Variants in HAVCR1 observed in about 807,000 individuals in gnomAD.
HAVCR1 encodes the protein hepatitis A virus cellular receptor 1.
In HAVCR1, 34 loss-of-function variants were observed where a neutral mutation model predicts 32.0. The observed-to-expected ratio is 1.06, with a 90% CI of 0.81 to 1.42. HAVCR1 has a LOEUF of 1.42. Among genes scored for constraint, HAVCR1 ranks in the 40% most tolerant of loss-of-function variants. HAVCR1 has a pLI of 0.00. For synonymous variants in HAVCR1, 178 were observed against 170.3 expected (o/e 1.05, Z -0.35); for missense variants, 420 against 442.3 (o/e 0.95, Z 0.45).
At chr5:157,056,581 C>T (rs1205904479) in intron 2 of HAVCR1, among the ~76,000 whole-genome samples, 2 of 151,354 alleles carry the variant, frequency 1.3e-5, no homozygotes, top group East Asian at 2.0e-4. Flanking sequence ...GGGGTTTCAC[C>T]ATGTTAGCCA....
At chr5:157,058,127 T>C (rs1438717533) in intron 1 of HAVCR1, 172 bp from the exon 2 acceptor site, 1 of 587,480 alleles carries the variant, frequency 1.7e-6, no homozygotes, top group Non-Finnish European at 3.1e-6. Context: ...GCTCTGTTAG[T>C]TCCCTGCAGC....
intron 5 of HAVCR1, among the ~76,000 whole-genome samples, chr5:157,044,607 GAAAGAAAGAGAA>G (rs1175198109): frequency 1.4e-3 from 100 of 70,250 alleles, no homozygotes; most frequent in African/African-American, 5.0e-3. Context: ...AAGAAAGAAA[GAAAGAAAGAGAA>G]AGAAAGAAAG....
At position 157,055,442 on chromosome 5, in the gene HAVCR1, G is replaced by C. The variant is rs778524415; in HGVS notation, c.138C>G (p.Cys46Trp). The change falls in exon 3 of 9, where the codon TGC becomes TGG. Residue 46 changes from cysteine to tryptophan, a missense_variant. Transcript: ENST00000523175. ...ATAGAGAACATGAGCCTCTATTCCA[G>C]CACATGGATGTGACAGCTCCACTGT... ...CHYSGAVTSM[C>W]WNRGSCSLFT... The C allele has an allele frequency of 7.6e-5, 122 of 1,610,350 alleles. No individual in the cohort carries two copies. Among genetic ancestry groups the C allele is most frequent in the Non-Finnish European group, 9.9e-5 (117 of 1,176,682 alleles).
At position 157,055,196 on chromosome 5, in the gene HAVCR1, C is replaced by T. The variant is rs1233259503; in HGVS notation, c.379+5G>A. 2.8e-6 allele frequency: 4 copies of T among 1,437,578 alleles called. No individual in the cohort carries two copies. The highest frequency in any genetic ancestry group is 1.8e-4 in the Middle Eastern group (1 of 5,454). 89.1% of individuals were successfully genotyped at this position (1,437,578 alleles called of 1,614,324 possible). A position where few individuals can be genotyped will look rare whatever the true frequency, so the allele number is the denominator to read the frequency against. On this transcript the variant is annotated splice_donor_5th_base_variant and intron_variant, in intron 3 of 8. Coordinates refer to ENST00000523175, the MANE Select transcript of HAVCR1 (RefSeq NM_001173393.3). ...ACTAGCAAGAAATATCAAAGAAAAA[C>T]TTACGTGGCACAATCTCCAATGATA... is the stretch of plus-strand genomic sequence containing the variant.
chr5:157,044,898 C>A (rs972803195), intron 5 of HAVCR1, among the ~76,000 whole-genome samples: 1 of 152,050 alleles, frequency 6.6e-6, no homozygotes, highest in East Asian at 1.9e-4. Context: ...AACTTTGATA[C>A]TCAAGGTCCT....
intron 5 of HAVCR1, among the ~76,000 whole-genome samples, chr5:157,047,594 C>T (rs545141681): frequency 9.2e-5 from 14 of 152,136 alleles, no homozygotes; most frequent in Admixed American, 4.6e-4. Context: ...TTGAGAGCTT[C>T]CAGATAGTCA....
Position 157,029,525 on chromosome 5 carries a change from A to G in HAVCR1, c.*208T>C. The G allele has an allele frequency of 7.8e-7, 1 of 1,276,074 alleles. No individual in the cohort carries two copies. Among genetic ancestry groups the G allele is most frequent in the South Asian group, 1.3e-5 (1 of 76,864 alleles). 79.0% of individuals were successfully genotyped at this position (1,276,074 alleles called of 1,614,324 possible). ...AGAAGGATTGAGCCAGTTTTAGCAT[A>G]AAAAATTAGGACTACATTAATGATG... On this transcript the variant is annotated 3_prime_UTR_variant, in exon 9 of 9. Transcript: ENST00000523175.
At chr5:157,061,922 A>G (rs1157375691), upstream of HAVCR1, among the ~76,000 whole-genome samples, 1 of 152,198 alleles carries the variant, frequency 6.6e-6, no homozygotes, top group African/African-American at 2.4e-5. Context: ...ATGTTACATA[A>G]CTGTACAATT....
chr5:157,038,975 C>T (rs1317351894), intron 6 of HAVCR1, among the ~76,000 whole-genome samples: 1 of 152,010 alleles, frequency 6.6e-6, no homozygotes, highest in Admixed American at 6.6e-5. Context: ...TAAAACTGGC[C>T]AGGCGTGGTG....
At chr5:157,042,726 T>G (rs757182614) in intron 5 of HAVCR1, 44 bp from the exon 6 acceptor site, 9 of 1,214,048 alleles carry the variant, frequency 7.4e-6, no homozygotes, top group Non-Finnish European at 9.7e-6. Flanking sequence ...CAAAAAATAT[T>G]GAATTTTCAC....
chr5:157,053,386 AAAAAAAAAG>A (rs1394618736), intron 3 of HAVCR1, among the ~76,000 whole-genome samples: 1 of 151,068 alleles, frequency 6.6e-6, no homozygotes, highest in East Asian at 1.9e-4. Flanking sequence ...CTGTCTTAAA[AAAAAAAAAG>A]AAAAAAAGAA....
rs1373947820 is a variant in HAVCR1 at position 157,057,886 on chromosome 5, C to T, written c.46+12G>A. On this transcript the variant is annotated intron_variant, in intron 2 of 8. Transcript: ENST00000523175. ...ACTCCCTTCTTCCCGCCCAGGGCAC[C>T]TACTCACTTACCTGCCAGATGTAGG... 1 of 1,608,748 alleles carries T rather than the reference C, an allele frequency of 6.2e-7. No individual in the cohort carries two copies. The highest frequency in any genetic ancestry group is 1.3e-5 in the African/African-American group (1 of 74,736).
chr5:157,038,875 A>G (rs1754699213), intron 6 of HAVCR1, among the ~76,000 whole-genome samples: 1 of 152,200 alleles, frequency 6.6e-6, no homozygotes, highest in African/African-American at 2.4e-5. Context: ...CACACCCATA[A>G]TCCTAGCACT....
intron 3 of HAVCR1, among the ~76,000 whole-genome samples, chr5:157,053,325 G>A (rs1256145506): frequency 6.8e-6 from 1 of 147,668 alleles, no homozygotes; most frequent in African/African-American, 2.5e-5. Flanking sequence ...GGAGGTTGCA[G>A]TGAGTAGAGA....
upstream of HAVCR1, among the ~76,000 whole-genome samples, chr5:157,063,764 A>C (rs1012235505): frequency 6.6e-6 from 1 of 152,218 alleles, no homozygotes; most frequent in African/African-American, 2.4e-5. Context: ...TTGCAATTTT[A>C]AACAAGGTGG....
chr5:157,062,985 T>G (rs140223004), upstream of HAVCR1, among the ~76,000 whole-genome samples: 1,155 of 151,902 alleles, frequency 7.6e-3, 19 homozygotes, highest in African/African-American at 0.027. Context: ...CCAGGCGTGG[T>G]GGCGCGTGCC....
intron 8 of HAVCR1, among the ~76,000 whole-genome samples, chr5:157,032,433 G>A (rs528540882): frequency 4.6e-5 from 7 of 152,296 alleles, no homozygotes; most frequent in South Asian, 2.1e-4. Context: ...CAGGAGAATC[G>A]CTTGAACCCA....
intron 7 of HAVCR1, among the ~76,000 whole-genome samples, chr5:157,034,416 G>T (rs943563040): frequency 6.6e-6 from 1 of 151,880 alleles, no homozygotes. Context: ...CAGCCATAAG[G>T]CAGTTTTCTT....
At chr5:157,067,799 CTG>C in the HAVCR1 span, among the ~76,000 whole-genome samples, 1 of 152,172 alleles carries the variant, frequency 6.6e-6, no homozygotes, top group Non-Finnish European at 1.5e-5. Flanking sequence ...AGCGATTCTC[CTG>C]TGTCAGCTGG....
Sources: gnomAD v4.1 joint callset for allele counts (sites outside exome capture counted in the v4.1 genomes callset) on GRCh38, gnomAD v4.1.1 for gene constraint, MANE v1.5 for transcripts, NCBI Gene and HGNC (gene_info 2026-07-23, HGNC 2026-07-21) for gene names.